The following PODXL variants were observed in gnomAD, a reference collection of about 807,000 sequenced individuals.
PODXL encodes the protein podocalyxin.
PODXL carries 20 observed loss-of-function variants against 48.9 expected under a neutral mutation model. The ratio of observed to expected loss-of-function variants is 0.41; its 90% CI spans 0.29 to 0.59. PODXL has a LOEUF of 0.59. Ranked by LOEUF, PODXL falls within the 20% of genes least tolerant of loss-of-function variation. The probability of loss-of-function intolerance (pLI) is 0.31; values close to 1 mark genes in which losing one functional copy is unlikely to be tolerated. For synonymous variants in PODXL, 295 were observed against 287.4 expected (o/e 1.03, Z -0.27); for missense variants, 606 against 675.1 (o/e 0.90, Z 1.13).
chr7:131,541,025 C>T lies in PODXL; in HGVS notation c.100+15235G>A, dbSNP rs543718973. ...CTATCCTCTTTGTGTTCTGTCCTGG[C>T]GAGAATTCTCCCCTTCCAGGAATAA... On this transcript the variant is annotated intron_variant, in intron 1 of 8. Coordinates refer to ENST00000378555, the MANE Select transcript of PODXL (RefSeq NM_001018111.3). Among the ~76,000 whole-genome samples the T allele has an allele frequency of 3.9e-5, 6 of 152,272 alleles. No homozygotes were observed. The South Asian group carries it at 6.2e-4, about 16-fold the overall frequency.
intron 1 of PODXL, among the ~76,000 whole-genome samples, chr7:131,543,475 G>A (rs534923513): frequency 1.3e-5 from 2 of 152,030 alleles, no homozygotes; most frequent in Non-Finnish European, 2.9e-5. Context: ...ACATTCCTCC[G>A]CATCCCAGAG....
intron 5 of PODXL, 196 bp from the exon 6 acceptor site, chr7:131,506,922 G>A (rs1215701605): frequency 4.9e-6 from 3 of 606,882 alleles, no homozygotes; most frequent in Non-Finnish European, 8.8e-6. Context: ...GCCAGTTCCT[G>A]CCTCCTCTGT....
At position 131,502,769 on chromosome 7, in the gene PODXL, C is replaced by T. The variant is rs966105045; in HGVS notation, c.*1542G>A. ...ATCAGATGAAACCTCACCATGCCCA[C>T]TGCTTAGGAGCCTTCTACATGGCAG... is the stretch of plus-strand genomic sequence containing the variant. On this transcript the variant is annotated 3_prime_UTR_variant, in exon 9 of 9. Transcript: ENST00000378555. 6.5e-6 allele frequency: 1 copy of T among 152,712 alleles called. No individual in the cohort carries two copies. Among genetic ancestry groups the T allele is most frequent in the African/African-American group, 2.4e-5 (1 of 41,440 alleles). The allele number at this position is 152,712 out of a possible 1,614,324, so 9.5% of individuals were successfully genotyped here.
chr7:131,546,448 G>A (rs1437381766), intron 1 of PODXL, among the ~76,000 whole-genome samples: 3 of 152,126 alleles, frequency 2.0e-5, no homozygotes, highest in Non-Finnish European at 4.4e-5. Flanking sequence ...GTTTTGGGCC[G>A]GGCGCTGTGG....
intron 1 of PODXL, among the ~76,000 whole-genome samples, chr7:131,532,481 C>A (rs2116837428): frequency 6.8e-6 from 1 of 146,890 alleles, no homozygotes; most frequent in South Asian, 2.2e-4. Context: ...ATAATAATCA[C>A]ACGTTCCAGA....
chr7:131,506,492 T>G (rs2116778946), intron 6 of PODXL, 87 bp downstream of exon 6: 1 of 1,489,146 alleles, frequency 6.7e-7, no homozygotes, highest in Admixed American at 1.7e-5. Context: ...GGGGCACCAC[T>G]GTGACCCACC....
chr7:131,500,730 C>G lies in PODXL; in HGVS notation c.*3581G>C, dbSNP rs576908037. The G allele has an allele frequency of 1.4e-4, 21 of 152,264 alleles. No individual in the cohort carries two copies. Among genetic ancestry groups the G allele is most frequent in the African/African-American group, 4.8e-4 (20 of 41,558 alleles). 9.4% of individuals were successfully genotyped at this position (152,264 alleles called of 1,614,324 possible). A position where few individuals can be genotyped will look rare whatever the true frequency, so the allele number is the denominator to read the frequency against. ...ATGATTCAGAGAAAGTGTAGAAGAC[C>G]AGTTCTTATGTTTGTGTTCATGCCC... is the stretch of plus-strand genomic sequence containing the variant. On this transcript the variant is annotated 3_prime_UTR_variant, in exon 9 of 9. Transcript: ENST00000378555.
At chr7:131,542,472 A>G (rs1441969068) in intron 1 of PODXL, among the ~76,000 whole-genome samples, 2 of 152,216 alleles carry the variant, frequency 1.3e-5, no homozygotes, top group Admixed American at 6.5e-5. Context: ...CCTGGGCAAT[A>G]TAACGACACC....
intron 1 of PODXL, among the ~76,000 whole-genome samples, chr7:131,545,962 C>T (rs754758938): frequency 6.6e-6 from 1 of 152,256 alleles, no homozygotes; most frequent in Non-Finnish European, 1.5e-5. Context: ...AGGCACAGAG[C>T]AATGCCCCCA....
chr7:131,549,573 C>G (rs1798636967), intron 1 of PODXL, among the ~76,000 whole-genome samples: 1 of 152,200 alleles, frequency 6.6e-6, no homozygotes, highest in African/African-American at 2.4e-5. Context: ...TAACTGCCGT[C>G]CCTTCTACTC....
intron 1 of PODXL, among the ~76,000 whole-genome samples, chr7:131,542,152 G>T (rs7807320): frequency 0.24 from 36,623 of 152,108 alleles, 4,841 homozygotes; most frequent in African/African-American, 0.34. Context: ...GATTGATTCT[G>T]AAGTCAGACT....
At chr7:131,550,758 T>C (rs1329969625) in intron 1 of PODXL, among the ~76,000 whole-genome samples, 1 of 152,158 alleles carries the variant, frequency 6.6e-6, no homozygotes, top group Non-Finnish European at 1.5e-5. Context: ...CTGACACGTA[T>C]GCGCACATGC....
intron 1 of PODXL, among the ~76,000 whole-genome samples, chr7:131,521,814 G>A (rs1282959336): frequency 6.6e-6 from 1 of 152,150 alleles, no homozygotes; most frequent in African/African-American, 2.4e-5. Flanking sequence ...GGGCTGGCTG[G>A]GGAAAGAAAA....
chr7:131,534,565 G>C (rs895503841), intron 1 of PODXL, among the ~76,000 whole-genome samples: 2 of 152,108 alleles, frequency 1.3e-5, no homozygotes, highest in Admixed American at 6.5e-5. Flanking sequence ...TCAGGAGGGG[G>C]CTGGAGCTCA....
intron 5 of PODXL, chr7:131,507,047 T>C: frequency 3.5e-6 from 1 of 289,608 alleles, no homozygotes; most frequent in Non-Finnish European, 6.6e-6. Context: ...GGATTGGGGG[T>C]TGTTTTCATC....
At chr7:131,552,991 GC>G (rs1357415030) in intron 1 of PODXL, among the ~76,000 whole-genome samples, 1 of 152,040 alleles carries the variant, frequency 6.6e-6, no homozygotes, top group Non-Finnish European at 1.5e-5. Flanking sequence ...TTACTAGGTT[GC>G]CCAGGCTGGT....
intron 1 of PODXL, among the ~76,000 whole-genome samples, chr7:131,515,213 ACCT>A: frequency 6.6e-6 from 1 of 152,174 alleles, no homozygotes; most frequent in African/African-American, 2.4e-5. Context: ...AAATTCCTAA[ACCT>A]CCTATAAAAG....
intron 1 of PODXL, among the ~76,000 whole-genome samples, chr7:131,531,787 T>C (rs1442193364): frequency 1.3e-5 from 2 of 152,190 alleles, no homozygotes; most frequent in Non-Finnish European, 2.9e-5. Context: ...AGTTATTATC[T>C]GTAAAGACCC....
At chr7:131,508,927 G>A (rs751529433) in intron 5 of PODXL, 24 bp downstream of exon 5, 12 of 1,556,712 alleles carry the variant, frequency 7.7e-6, no homozygotes, top group African/African-American at 2.7e-5. Flanking sequence ...TGCACCTGGC[G>A]GCTCAGATCA....
Sources: gnomAD v4.1 joint callset for allele counts (sites outside exome capture counted in the v4.1 genomes callset) on GRCh38, gnomAD v4.1.1 for gene constraint, MANE v1.5 for transcripts, NCBI Gene and HGNC (gene_info 2026-07-23, HGNC 2026-07-21) for gene names.